The following PROSER1 variants were observed in gnomAD, a reference collection of about 807,000 sequenced individuals.
The protein encoded by PROSER1 is proline and serine-rich protein 1.
A neutral mutation model predicts 71.8 loss-of-function variants in PROSER1; 36 were observed. That is an observed-to-expected ratio of 0.50 (90% CI 0.38 to 0.66). The LOEUF is 0.66. Among genes scored for constraint, PROSER1 ranks in the 30% least tolerant of loss-of-function variants. The pLI, the probability that PROSER1 is intolerant of heterozygous loss-of-function variation, is 0.00. For synonymous variants in PROSER1, 490 were observed against 452.4 expected, an observed-to-expected ratio of 1.08 and a Z score of -1.06; for missense variants, 1,107 against 1,135.0, an observed-to-expected ratio of 0.98 and a Z score of 0.35.
intron 10 of PROSER1, among the ~76,000 whole-genome samples, chr13:39,014,775 T>C (rs1869929805): frequency 6.6e-6 from 1 of 152,200 alleles, no homozygotes; most frequent in Admixed American, 6.5e-5. Flanking sequence ...AATTAAAGCA[T>C]TTATTTTAAT....
chr13:39,034,606 C>T (rs1871009442), intron 1 of PROSER1, among the ~76,000 whole-genome samples: 1 of 152,146 alleles, frequency 6.6e-6, no homozygotes, highest in African/African-American at 2.4e-5. Context: ...TATTGAATAT[C>T]TACTATGTGC....
At chr13:39,036,882 C>T (rs938196194) in intron 1 of PROSER1, among the ~76,000 whole-genome samples, 6 of 152,142 alleles carry the variant, frequency 3.9e-5, no homozygotes, top group African/African-American at 1.4e-4. Flanking sequence ...AGGCAATAAA[C>T]TCAAAAATAT....
rs951354533 is a variant in PROSER1 at position 39,014,003 on chromosome 13, T to C, written c.1249A>G (p.Thr417Ala). The C allele has an allele frequency of 1.1e-5, 17 of 1,613,788 alleles. No individual in the cohort carries two copies. The highest frequency in any genetic ancestry group is 5.3e-5 in the African/African-American group (4 of 74,824). ...PFSTSSSAAS[T>A]SNPNSASLSS... ...AATGAAGCAGAATTTGGGTTGCTGGTAGAAGCAGCAGAAGAGCTGGTGGAA... is the reference window on the plus strand; with the variant it reads ...AATGAAGCAGAATTTGGGTTGCTGGCAGAAGCAGCAGAAGAGCTGGTGGAA... Residue 417 changes from threonine (T) to alanine (A), a missense_variant, in exon 11 of 13, where the codon ACC (threonine) becomes GCC (alanine). Physicochemically the swap from Thr to Ala is moderately conservative, Grantham distance 58. Coordinates refer to ENST00000352251, the MANE Select transcript of PROSER1 (RefSeq NM_025138.5).
chr13:39,021,656 A>G (rs1030559670), intron 9 of PROSER1, among the ~76,000 whole-genome samples: 2 of 152,158 alleles, frequency 1.3e-5, no homozygotes, highest in Non-Finnish European at 2.9e-5. Flanking sequence ...TTGCTTTGTC[A>G]TTCCTCATAT....
Position 39,037,401 on chromosome 13 carries a change from T to C in PROSER1, c.-159A>G. On this transcript the variant is annotated 5_prime_UTR_variant, in exon 1 of 13. Transcript: ENST00000352251. ...CGAAGAGGTAGAGAGTATTGCAAAC[T>C]TCGCAAAAAAAATTTCTAAAAATTG... 1 of 599,212 alleles carries C rather than the reference T, an allele frequency of 1.7e-6. No individual in the cohort carries two copies. Among genetic ancestry groups the C allele is most frequent in the African/African-American group, 1.9e-5 (1 of 53,396 alleles). 37.1% of individuals were successfully genotyped at this position (599,212 alleles called of 1,614,324 possible).
At chr13:39,020,584 AAAAC>A (rs1490337738) in intron 9 of PROSER1, among the ~76,000 whole-genome samples, 6 of 152,236 alleles carry the variant, frequency 3.9e-5, no homozygotes, top group Admixed American at 1.3e-4. Flanking sequence ...ACTCATGAGT[AAAAC>A]AAACAACAAC....
rs754436845 is a variant in PROSER1 at position 39,024,463 on chromosome 13, C to T, written c.564+10G>A. On this transcript the variant is annotated intron_variant, in intron 7 of 12. Coordinates refer to ENST00000352251, the MANE Select transcript of PROSER1 (RefSeq NM_025138.5). ...GAGTTTGGGCTTGTTTCATCATTTT[C>T]TAAACATACTGGTTTGGATGGCCCA... The T allele has an allele frequency of 7.5e-6, 12 of 1,595,676 alleles. No individual in the cohort carries two copies. The highest frequency in any genetic ancestry group is 4.5e-5 in the South Asian group (4 of 89,558).
At chr13:39,020,500 C>A (rs1041598581) in intron 9 of PROSER1, among the ~76,000 whole-genome samples, 6 of 151,958 alleles carry the variant, frequency 3.9e-5, no homozygotes, top group Non-Finnish European at 8.8e-5. Context: ...TTAGAACACA[C>A]TACAAATCTG....
chr13:39,033,342 A>AC (rs531993109), intron 2 of PROSER1, among the ~76,000 whole-genome samples: 19 of 152,368 alleles, frequency 1.2e-4, no homozygotes, highest in Admixed American at 7.8e-4. Flanking sequence ...AGTGGGCAGA[A>AC]CTTCTATAGG....
rs1871169916 is a variant in PROSER1, at chr13:39,037,392, A to C, written c.-150T>G. ...GAGAGGATGCGAAGAGGTAGAGAGTATTGCAAACTTCGCAAAAAAAATTTC... is the reference window on the plus strand; with the variant it reads ...GAGAGGATGCGAAGAGGTAGAGAGTCTTGCAAACTTCGCAAAAAAAATTTC... On this transcript the variant is annotated 5_prime_UTR_variant, in exon 1 of 13. Coordinates refer to ENST00000352251, the MANE Select transcript of PROSER1 (RefSeq NM_025138.5). 1 of 625,212 alleles carries C rather than the reference A, an allele frequency of 1.6e-6. No individual in the cohort carries two copies. Among genetic ancestry groups the C allele is most frequent in the South Asian group, 2.0e-5 (1 of 50,106 alleles). 38.7% of individuals were successfully genotyped at this position (625,212 alleles called of 1,614,324 possible). A position where few individuals can be genotyped will look rare whatever the true frequency, so the allele number is the denominator to read the frequency against.
rs755391119 is a variant in PROSER1, at chr13:39,013,093, G to A, written c.2159C>T (p.Ser720Phe). 12 of 1,614,152 alleles carry A rather than the reference G, an allele frequency of 7.4e-6. No individual in the cohort carries two copies. The highest frequency in any genetic ancestry group is 1.3e-5 in the African/African-American group (1 of 75,032). ...GGTGGCTATTAATGACCCTGGGAGAGATACTGACGGATTAAGAGATGGGTT... is the reference window on the plus strand; with the variant it reads ...GGTGGCTATTAATGACCCTGGGAGAAATACTGACGGATTAAGAGATGGGTT... ...TGNPSLNPSVSLPGSLIATSS... is the reference protein window; with the variant it reads ...TGNPSLNPSVFLPGSLIATSS... The change falls in exon 11 of 13, where the codon TCT (serine) becomes TTT (phenylalanine). Residue 720 changes from serine (S) to phenylalanine (F), a missense_variant. Physicochemically the swap from Ser to Phe is radical, Grantham distance 155. Coordinates refer to ENST00000352251, the MANE Select transcript of PROSER1 (RefSeq NM_025138.5).
Position 39,028,204 on chromosome 13 carries a change from C to T in PROSER1, c.369+23G>A, listed in dbSNP as rs760008978. 3 of 1,307,778 alleles carry T rather than the reference C, an allele frequency of 2.3e-6. No homozygotes were observed. In the East Asian group the frequency reaches 6.9e-5, roughly 30 times the overall value. 81.0% of individuals were successfully genotyped at this position (1,307,778 alleles called of 1,614,324 possible). A position where few individuals can be genotyped will look rare whatever the true frequency, so the allele number is the denominator to read the frequency against. ...TTCGGAAAAACCAGCGTACCAAGTA[C>T]ATGACAATCTTTAGAAAACTACCTG... On this transcript the variant is annotated intron_variant, in intron 5 of 12. Transcript: ENST00000352251.
Position 39,013,979 on chromosome 13 carries a change from A to G in PROSER1, c.1273T>C (p.Leu425=), listed in dbSNP as rs1328884869. 4 of 1,614,030 alleles carry G rather than the reference A, an allele frequency of 2.5e-6. No individual in the cohort carries two copies. Among genetic ancestry groups the G allele is most frequent in the African/African-American group, 2.7e-5 (2 of 74,920 alleles). The part of the protein sequence containing the change: ...ASTSNPNSAS[L]SSVFAGLPLP... ...GGGAGCCCTGCAAAAACTGATGACA[A>G]TGAAGCAGAATTTGGGTTGCTGGTA... Residue 425 remains leucine, a synonymous_variant, in exon 11 of 13, where the codon TTG becomes CTG. Coordinates refer to ENST00000352251, the MANE Select transcript of PROSER1 (RefSeq NM_025138.5).
rs974146939 is a variant in PROSER1 at position 39,029,487 on chromosome 13, T to C, written c.181-112A>G. 5.0e-5 allele frequency: 26 copies of C among 521,504 alleles called. No individual in the cohort carries two copies. The African/African-American group carries it at 5.2e-4, about 10-fold the overall frequency. The allele number at this position is 521,504 out of a possible 1,614,324, so 32.3% of individuals were successfully genotyped here. Reference sequence around the variant, plus strand: ...TAATATAAACATTTTAGATAAAATATATCACATTTTAGGTGAAAACCACTT... The same window carrying C: ...TAATATAAACATTTTAGATAAAATACATCACATTTTAGGTGAAAACCACTT... On this transcript the variant is annotated intron_variant, in intron 3 of 12. Transcript: ENST00000352251.
intron 9 of PROSER1, among the ~76,000 whole-genome samples, chr13:39,020,214 A>G (rs1490392707): frequency 2.0e-5 from 3 of 152,154 alleles, no homozygotes; most frequent in Admixed American, 2.0e-4. Flanking sequence ...GTAGAAAACT[A>G]CAGTATCTTC....
At position 39,019,632 on chromosome 13, in the gene PROSER1, A is replaced by G. The variant is rs536884027; in HGVS notation, c.731-2088T>C. Among the ~76,000 whole-genome samples, 3 of 151,994 alleles carry G rather than the reference A, an allele frequency of 2.0e-5. No individual in the cohort carries two copies. In the South Asian group the frequency reaches 6.2e-4, roughly 32 times the overall value. On this transcript the variant is annotated intron_variant, in intron 9 of 12. Transcript: ENST00000352251. The stretch of plus-strand genomic sequence containing the variant: ...AAGAATAAGAAGGTAATCATTGGCG[A>G]TATTAGAGAAAATTTCTAAGTTTGG...
At chr13:39,014,732 G>A (rs544433934) in intron 10 of PROSER1, among the ~76,000 whole-genome samples, 3 of 152,146 alleles carry the variant, frequency 2.0e-5, no homozygotes, top group East Asian at 1.9e-4. Flanking sequence ...AGAAGCTTGC[G>A]AAGTGTCCTT....
chr13:39,025,725 C>G (rs1566026454), intron 6 of PROSER1, among the ~76,000 whole-genome samples: 1 of 152,266 alleles, frequency 6.6e-6, no homozygotes, highest in East Asian at 1.9e-4. Flanking sequence ...GCTAAGCGTT[C>G]CAATATTCCT....
At chr13:39,035,540 A>G (rs905065403) in intron 1 of PROSER1, among the ~76,000 whole-genome samples, 17 of 152,204 alleles carry the variant, frequency 1.1e-4, no homozygotes, top group Non-Finnish European at 1.8e-4. Flanking sequence ...AAGTGCTTAA[A>G]AACAGGCTCA....
Sources: gnomAD v4.1 joint callset for allele counts (sites outside exome capture counted in the v4.1 genomes callset) on GRCh38, gnomAD v4.1.1 for gene constraint, MANE v1.5 for transcripts, NCBI Gene and HGNC (gene_info 2026-07-23, HGNC 2026-07-21) for gene names.